Variants in ANKRD11 observed in about 807,000 individuals in gnomAD.
ANKRD11 encodes the protein ankyrin repeat domain-containing protein 11.
Under a neutral mutation model 195.7 loss-of-function variants are expected in ANKRD11, and 17 were observed. The ratio of observed to expected loss-of-function variants is 0.09; its 90% CI spans 0.06 to 0.13. The LOEUF is 0.13. Ranked by LOEUF, ANKRD11 falls within the 10% of genes least tolerant of loss-of-function variation. The pLI is 1.00. For synonymous variants in ANKRD11, 1,953 were observed against 1,528.1 expected (o/e 1.28, Z -6.49); for missense variants, 3,735 against 3,566.1 (o/e 1.05, Z -1.21).
intron 1 of ANKRD11, among the ~76,000 whole-genome samples, chr16:89,467,097 AG>A (rs2152343346): frequency 6.6e-6 from 1 of 152,300 alleles, no homozygotes; most frequent in African/African-American, 2.4e-5. Flanking sequence ...AGGGAGAAAA[AG>A]ACCACATAAT....
intron 4 of ANKRD11, among the ~76,000 whole-genome samples, chr16:89,292,082 C>A (rs1003992602): frequency 9.9e-5 from 15 of 152,156 alleles, no homozygotes; most frequent in Admixed American, 9.8e-4. Context: ...AGCTGCCCTG[C>A]GGGTTCTGGG....
At chr16:89,320,243 G>T (rs910830299) in intron 2 of ANKRD11, 1 of 152,170 alleles carries the variant, frequency 6.6e-6, no homozygotes, top group South Asian at 2.1e-4. Flanking sequence ...CTGCACAGCC[G>T]ACCACACAAC....
Position 89,279,265 on chromosome 16 carries a change from G to A in ANKRD11, c.7277C>T (p.Ala2426Val). 1.9e-6 allele frequency: 3 copies of A among 1,611,650 alleles called. No individual in the cohort carries two copies. ...AAIVDAIKLD[A>V]IEPYHSDRAN... ...CCTGTCGCTGTGGTAGGGCTCGATGGCATCCAGCTTGATGGCGTCCACGAT... is the reference window on the plus strand; with the variant it reads ...CCTGTCGCTGTGGTAGGGCTCGATGACATCCAGCTTGATGGCGTCCACGAT... The change falls in exon 9 of 13, where the codon GCC (alanine) becomes GTC (valine). Residue 2426 changes from alanine to valine, a missense_variant. Coordinates refer to ENST00000301030, the MANE Select transcript of ANKRD11 (RefSeq NM_013275.6). This position sits in a 1 kb window ranked among gnomAD's most constrained non-coding sequence, Gnocchi z 5.6.
At chr16:89,413,718 C>T (rs944259137) in intron 2 of ANKRD11, among the ~76,000 whole-genome samples, 1 of 152,198 alleles carries the variant, frequency 6.6e-6, no homozygotes, top group Non-Finnish European at 1.5e-5. Flanking sequence ...TGTCAGCAGC[C>T]GCCAGGAACC....
At chr16:89,287,855 G>T (rs1053898082) in intron 7 of ANKRD11, 7 of 271,040 alleles carry the variant, frequency 2.6e-5, no homozygotes, top group African/African-American at 1.3e-4. Flanking sequence ...AGAGGAGCAC[G>T]ACGGGCACCA....
At chr16:89,469,483 G>T (rs996703422) in intron 1 of ANKRD11, among the ~76,000 whole-genome samples, 1 of 151,972 alleles carries the variant, frequency 6.6e-6, no homozygotes. Flanking sequence ...TTGGCCTCCC[G>T]AAGTGCTAGA....
intron 2 of ANKRD11, among the ~76,000 whole-genome samples, chr16:89,354,184 C>A (rs952014531): frequency 6.7e-6 from 1 of 150,188 alleles, no homozygotes; most frequent in Non-Finnish European, 1.5e-5. Flanking sequence ...CCATTCAAAT[C>A]TTCCAAGGCA....
chr16:89,406,608 G>A (rs1277863643), intron 2 of ANKRD11, among the ~76,000 whole-genome samples: 2 of 152,210 alleles, frequency 1.3e-5, no homozygotes, highest in Admixed American at 1.3e-4. Flanking sequence ...GGACAGAAAA[G>A]AGACAAGGAA....
chr16:89,335,174 AG>A (rs1292953216), intron 2 of ANKRD11, among the ~76,000 whole-genome samples: 1 of 152,206 alleles, frequency 6.6e-6, no homozygotes, highest in African/African-American at 2.4e-5. Flanking sequence ...TGGAAAGCAC[AG>A]GAAGTGAGCT....
At chr16:89,460,460 G>A (rs1282221722) in intron 1 of ANKRD11, among the ~76,000 whole-genome samples, 3 of 152,166 alleles carry the variant, frequency 2.0e-5, no homozygotes, top group Non-Finnish European at 4.4e-5. Context: ...TCAGGAGGCT[G>A]AAGCAGGAAA....
chr16:89,387,915 C>A (rs2040994474), intron 2 of ANKRD11, among the ~76,000 whole-genome samples: 1 of 146,310 alleles, frequency 6.8e-6, no homozygotes, highest in Non-Finnish European at 1.5e-5. Context: ...GAGACTGAGG[C>A]AGGAGAATCG....
At chr16:89,277,120 T>C (rs2033723677) in intron 9 of ANKRD11, among the ~76,000 whole-genome samples, 1 of 151,810 alleles carries the variant, frequency 6.6e-6, no homozygotes, top group South Asian at 2.1e-4. Flanking sequence ...CCTCACTCTG[T>C]TCAGCACCAC....
At chr16:89,427,973 C>T (rs2042791294) in intron 1 of ANKRD11, among the ~76,000 whole-genome samples, 1 of 151,790 alleles carries the variant, frequency 6.6e-6, no homozygotes, top group Admixed American at 6.6e-5. Flanking sequence ...TTTGGGAGGC[C>T]AAGGCAGATG....
At chr16:89,347,486 C>G (rs534622679) in intron 2 of ANKRD11, among the ~76,000 whole-genome samples, 3 of 152,028 alleles carry the variant, frequency 2.0e-5, no homozygotes, top group Non-Finnish European at 2.9e-5. Flanking sequence ...TGGCAGGCGC[C>G]GGTAGTCCCA....
intron 2 of ANKRD11, among the ~76,000 whole-genome samples, chr16:89,385,908 C>G (rs2040888437): frequency 1.3e-5 from 2 of 152,264 alleles, no homozygotes; most frequent in African/African-American, 4.8e-5. Context: ...CGGTGGTCCC[C>G]ACTCCCAGGA....
At chr16:89,436,160 A>G (rs988784306) in intron 1 of ANKRD11, among the ~76,000 whole-genome samples, 1 of 152,186 alleles carries the variant, frequency 6.6e-6, no homozygotes, top group African/African-American at 2.4e-5. Context: ...CATGCCTGTA[A>G]TCCCAGCACT....
intron 3 of ANKRD11, among the ~76,000 whole-genome samples, chr16:89,310,702 T>C (rs547271877): frequency 3.9e-5 from 6 of 152,388 alleles, no homozygotes; most frequent in South Asian, 4.1e-4. Context: ...GTATTTTTTA[T>C]ACTACTGCAA....
In ANKRD11 at chr16:89,280,235, G is replaced by A. The variant is rs749215903; in HGVS notation, c.6307C>T (p.Leu2103=). 1.2e-6 allele frequency: 2 copies of A among 1,608,462 alleles called. No individual in the cohort carries two copies. The highest frequency in any genetic ancestry group is 8.5e-7 in the Non-Finnish European group (1 of 1,179,468). ...TGAGACAGGCCGCGGCTGCCGTCCAGGAAGCTATTTTCCAGGGGCCCCAGA... is the reference window on the plus strand; with the variant it reads ...TGAGACAGGCCGCGGCTGCCGTCCAAGAAGCTATTTTCCAGGGGCCCCAGA... ...EALGPLENSF[L]DGSRGLSHLG... The change falls in exon 9 of 13, where the codon CTG becomes TTG. Residue 2103 remains leucine (L), a synonymous_variant. Transcript: ENST00000301030.
Position 89,284,376 on chromosome 16 carries a change from T to C in ANKRD11, c.2166A>G (p.Lys722=). ...FKDEKSLKRI[K]DTNKDISRSF... ...ACCTGCTGATGTCTTTGTTTGTGTC[T>C]TTGATTCTCTTCAGTGATTTTTCAT... is the stretch of plus-strand genomic sequence containing the variant. Residue 722 remains lysine, a synonymous_variant, in exon 9 of 13, where the codon AAA becomes AAG. Coordinates refer to ENST00000301030, the MANE Select transcript of ANKRD11 (RefSeq NM_013275.6). 1.2e-6 allele frequency: 2 copies of C among 1,613,906 alleles called. No homozygotes were observed. The highest frequency in any genetic ancestry group is 1.7e-6 in the Non-Finnish European group (2 of 1,180,018).
Sources: gnomAD v4.1 joint callset for allele counts (sites outside exome capture counted in the v4.1 genomes callset) on GRCh38, gnomAD v4.1.1 for gene constraint, Gnocchi (gnomAD v3.1) non-coding constraint, MANE v1.5 for transcripts, NCBI Gene and HGNC (gene_info 2026-07-23, HGNC 2026-07-21) for gene names.